PDGFRL: variants seen among roughly 807,000 people sequenced by gnomAD.
PDGFRL encodes the protein platelet derived growth factor receptor like.
A neutral mutation model predicts 37.2 loss-of-function variants in PDGFRL; 46 were observed. The ratio of observed to expected loss-of-function variants is 1.24; its 90% CI spans 0.98 to 1.58. The LOEUF (loss-of-function observed/expected upper bound fraction) is 1.58, where lower values mean the gene tolerates loss of function less well. PDGFRL is among the 40% of genes most tolerant of loss of function. The pLI is 0.00. For synonymous variants in PDGFRL, 251 were observed against 184.3 expected (o/e 1.36, Z -2.93); for missense variants, 692 against 467.6 (o/e 1.48, Z -4.43).
At chr8:17,609,530 C>G (rs893820595) in intron 2 of PDGFRL, among the ~76,000 whole-genome samples, 2 of 145,416 alleles carry the variant, frequency 1.4e-5, no homozygotes, top group East Asian at 4.2e-4. Flanking sequence ...CCTAGCTACT[C>G]AGGAGGCTAA....
At chr8:17,622,129 G>A (rs1262297179) in intron 3 of PDGFRL, among the ~76,000 whole-genome samples, 2 of 152,184 alleles carry the variant, frequency 1.3e-5, no homozygotes, top group African/African-American at 4.8e-5. Flanking sequence ...TGCAAAGTAT[G>A]TTTCTGGAAG....
rs59459992 is a variant in PDGFRL at position 17,637,640 on chromosome 8, G to A, written c.939+3427G>A. On this transcript the variant is annotated intron_variant, in intron 5 of 5. Coordinates refer to ENST00000251630, the MANE Select transcript of PDGFRL (RefSeq NM_001372073.1). ...CTGTCTTGTGAAATAATGTTGATAG[G>A]ATTGATACCAGTTCTTAGAATGTCT... Among the ~76,000 whole-genome samples the A allele has an allele frequency of 6.7e-3, 1,020 of 152,264 alleles. 13 individuals are homozygous for A. The highest frequency in any genetic ancestry group is 0.024 in the African/African-American group (987 of 41,564).
At chr8:17,597,524 C>A (rs1804079678) in intron 2 of PDGFRL, among the ~76,000 whole-genome samples, 2 of 146,018 alleles carry the variant, frequency 1.4e-5, no homozygotes, top group African/African-American at 5.1e-5. Flanking sequence ...AAGTAAAATG[C>A]CCAAGTAGAG....
In PDGFRL at chr8:17,619,848, C is replaced by T. The variant is rs1326934619; in HGVS notation, c.354-1203C>T. On this transcript the variant is annotated intron_variant, in intron 2 of 5. Transcript: ENST00000251630. ...CACCAATGGTTTTACTTAAGGAAAC[C>T]GCAGGTCTGAGGACAATTACATTCT... 4.6e-5 allele frequency among the ~76,000 whole-genome samples: 7 copies of T among 152,164 alleles called. No homozygotes were observed. In the East Asian group the frequency reaches 1.3e-3, roughly 29 times the overall value.
intron 2 of PDGFRL, among the ~76,000 whole-genome samples, chr8:17,604,541 T>C (rs891059616): frequency 6.6e-6 from 1 of 150,946 alleles, no homozygotes; most frequent in Non-Finnish European, 1.5e-5. Flanking sequence ...ACAACGAGAA[T>C]GCATGGACAC....
chr8:17,596,860 C>T (rs973967379), intron 2 of PDGFRL, among the ~76,000 whole-genome samples: 8 of 152,226 alleles, frequency 5.3e-5, no homozygotes, highest in South Asian at 2.1e-4. Context: ...ATTCAAGAAA[C>T]GGACTCTTGA....
chr8:17,623,884 A>AG (rs1554553924), intron 3 of PDGFRL, among the ~76,000 whole-genome samples: 1 of 151,020 alleles, frequency 6.6e-6, no homozygotes, highest in Admixed American at 6.6e-5. Context: ...AAAAAAAAAA[A>AG]ATACGGGCTC....
At chr8:17,612,644 T>C (rs1170579857) in intron 2 of PDGFRL, among the ~76,000 whole-genome samples, 2 of 152,228 alleles carry the variant, frequency 1.3e-5, no homozygotes, top group East Asian at 3.8e-4. Flanking sequence ...GTGCTGGGAT[T>C]ACAGATGTGA....
chr8:17,634,494 TA>T (rs1804930114), intron 5 of PDGFRL, among the ~76,000 whole-genome samples: 4 of 151,716 alleles, frequency 2.6e-5, no homozygotes. Flanking sequence ...TTTTTTTTTT[TA>T]AACCCTTAAG....
chr8:17,576,746 G>A (rs1803588051), upstream of PDGFRL: 6 of 966,248 alleles, frequency 6.2e-6, no homozygotes, highest in Non-Finnish European at 7.4e-6. Flanking sequence ...AGAACCCGGG[G>A]CAACGGTCCT....
rs151022690 is a variant in PDGFRL at position 17,619,204 on chromosome 8, G to T, written c.354-1847G>T. On this transcript the variant is annotated intron_variant, in intron 2 of 5. Transcript: ENST00000251630. ...AGCGAAGCATTTGGATGTTCGAGAT[G>T]AGTCCCCAGATTAAAACTGCTTATT... 8.3e-4 allele frequency among the ~76,000 whole-genome samples: 126 copies of T among 152,308 alleles called. 4 individuals carry two copies. In the East Asian group the frequency reaches 0.02, roughly 24 times the overall value.
At chr8:17,599,585 C>T (rs548771113) in intron 2 of PDGFRL, among the ~76,000 whole-genome samples, 1 of 152,336 alleles carries the variant, frequency 6.6e-6, no homozygotes, top group African/African-American at 2.4e-5. Flanking sequence ...ACCCTGAGGA[C>T]TGCTGGAAGG....
At chr8:17,621,294 A>C in intron 3 of PDGFRL, 92 bp downstream of exon 3, 1 of 782,540 alleles carries the variant, frequency 1.3e-6, no homozygotes, top group Non-Finnish European at 2.0e-6. Flanking sequence ...ATAGCAAATA[A>C]TGACAATCAG....
chr8:17,610,475 C>T (rs535727427), intron 2 of PDGFRL, among the ~76,000 whole-genome samples: 2 of 152,282 alleles, frequency 1.3e-5, no homozygotes, highest in South Asian at 2.1e-4. Flanking sequence ...GATGCAGATA[C>T]TCCAAAATCT....
intron 3 of PDGFRL, among the ~76,000 whole-genome samples, chr8:17,625,449 C>T (rs1366616603): frequency 6.0e-5 from 3 of 49,740 alleles, no homozygotes; most frequent in Non-Finnish European, 1.1e-4. Context: ...TGCACCTGGT[C>T]GAGTTTTTTT....
At chr8:17,613,452 C>T (rs546118997) in intron 2 of PDGFRL, among the ~76,000 whole-genome samples, 27 of 152,168 alleles carry the variant, frequency 1.8e-4, no homozygotes, top group African/African-American at 5.3e-4. Context: ...CGCAGTATGG[C>T]GGGCAGAGTC....
At chr8:17,620,870 T>C (rs1804616021) in intron 2 of PDGFRL, among the ~76,000 whole-genome samples, 181 bp from the exon 3 acceptor site, 1 of 152,044 alleles carries the variant, frequency 6.6e-6, no homozygotes, top group South Asian at 2.1e-4. Context: ...TCATTTTTTT[T>C]TTTTTATTAT....
chr8:17,591,279 C>G (rs1247712733), intron 2 of PDGFRL, among the ~76,000 whole-genome samples: 3 of 152,102 alleles, frequency 2.0e-5, no homozygotes, highest in Admixed American at 1.3e-4. Context: ...GAATGAGTAC[C>G]TTCAGGAGGC....
At chr8:17,602,882 T>C (rs556599587) in intron 2 of PDGFRL, among the ~76,000 whole-genome samples, 30 of 152,392 alleles carry the variant, frequency 2.0e-4, no homozygotes, top group Non-Finnish European at 3.1e-4. Context: ...TGCCCACTTA[T>C]ACCTATGGTC....
Sources: allele counts gnomAD v4.1 joint callset (sites outside exome capture counted in the v4.1 genomes callset), GRCh38; gene constraint gnomAD v4.1.1; transcripts MANE v1.5; gene names NCBI Gene and HGNC (gene_info 2026-07-23, HGNC 2026-07-21).